PKNOX2: variants seen among roughly 807,000 people sequenced by gnomAD.
PKNOX2 encodes homeobox protein PKNOX2.
PKNOX2 carries 14 observed loss-of-function variants against 53.1 expected under a neutral mutation model. The ratio of observed to expected loss-of-function variants is 0.26; its 90% CI spans 0.17 to 0.41. PKNOX2 has a LOEUF of 0.41. Among genes scored for constraint, PKNOX2 ranks in the 10% least tolerant of loss-of-function variants. PKNOX2 has a pLI of 1.00. For missense variants in PKNOX2, 496 were observed against 602.8 expected, an observed-to-expected ratio of 0.82 and a Z score of 1.85; for synonymous variants, 257 against 242.8, an observed-to-expected ratio of 1.06 and a Z score of -0.54.
intron 2 of PKNOX2, among the ~76,000 whole-genome samples, chr11:125,317,980 C>A (rs1949303776): frequency 6.6e-6 from 1 of 152,216 alleles, no homozygotes; most frequent in South Asian, 2.1e-4. Flanking sequence ...TTAGCTAGGT[C>A]TTCTGGATAA....
chr11:125,367,463 T>C (rs1466912041), intron 4 of PKNOX2, among the ~76,000 whole-genome samples: 1 of 152,240 alleles, frequency 6.6e-6, no homozygotes, highest in Admixed American at 6.5e-5. Flanking sequence ...GTTTTCCTGC[T>C]TTTCAAAGTC....
chr11:125,311,474 G>C (rs1948801910), intron 2 of PKNOX2, among the ~76,000 whole-genome samples: 1 of 152,214 alleles, frequency 6.6e-6, no homozygotes, highest in Non-Finnish European at 1.5e-5. Context: ...ACAAGGGTTA[G>C]AATTCTGGTG....
At chr11:125,425,994 G>A (rs1185494304) in intron 10 of PKNOX2, among the ~76,000 whole-genome samples, 1 of 152,220 alleles carries the variant, frequency 6.6e-6, no homozygotes, top group East Asian at 1.9e-4. Flanking sequence ...TCATAAGAGA[G>A]CAACCAGCCA....
chr11:125,366,751 A>G (rs1952211646), intron 4 of PKNOX2, among the ~76,000 whole-genome samples: 1 of 152,280 alleles, frequency 6.6e-6, no homozygotes, highest in African/African-American at 2.4e-5. Context: ...TTTTTCTTCC[A>G]GAAAGCAGGG....
chr11:125,202,219 C>T lies in PKNOX2; in HGVS notation c.-200-32826C>T, dbSNP rs113919772. On this transcript the variant is annotated intron_variant, in intron 1 of 12. Transcript: ENST00000298282. Reference sequence around the variant, plus strand: ...CTGAATGGCATCCCCAAGACAGCCCCCCATCTCGCTGCAGACATGCTGAGG... The same window carrying T: ...CTGAATGGCATCCCCAAGACAGCCCTCCATCTCGCTGCAGACATGCTGAGG... 6.8e-3 allele frequency among the ~76,000 whole-genome samples: 1,039 copies of T among 152,318 alleles called. 9 individuals carry two copies. The highest frequency in any genetic ancestry group is 0.023 in the African/African-American group (970 of 41,568).
At chr11:125,424,400 T>A (rs1956309654) in intron 10 of PKNOX2, among the ~76,000 whole-genome samples, 1 of 152,128 alleles carries the variant, frequency 6.6e-6, no homozygotes, top group Non-Finnish European at 1.5e-5. Context: ...CATCCCACCA[T>A]CAGTGGCCTC....
intron 1 of PKNOX2, among the ~76,000 whole-genome samples, chr11:125,178,833 A>T (rs1229460509): frequency 6.6e-6 from 1 of 152,104 alleles, no homozygotes; most frequent in Admixed American, 6.5e-5. Flanking sequence ...GGGCTTAACT[A>T]CAGAAACACT....
chr11:125,373,716 A>G (rs1952680828), intron 5 of PKNOX2, among the ~76,000 whole-genome samples: 1 of 152,200 alleles, frequency 6.6e-6, no homozygotes, highest in Admixed American at 6.5e-5. Flanking sequence ...TTAATTATGA[A>G]CTGAGCTCCA....
rs1956822706 is a variant in PKNOX2, at chr11:125,190,629, G to A, written c.-201+25853G>A. Among the ~76,000 whole-genome samples the A allele has an allele frequency of 2.6e-5, 4 of 152,018 alleles. No homozygotes were observed. In the South Asian group the frequency reaches 8.3e-4, roughly 32 times the overall value. On this transcript the variant is annotated intron_variant, in intron 1 of 12. Transcript: ENST00000298282. ...ATGAAGTCTCATTTCCACTCTAATT[G>A]GTTGATACTCTGTCCCCCGACCCTG...
intron 1 of PKNOX2, among the ~76,000 whole-genome samples, chr11:125,178,746 AAG>A (rs1461120939): frequency 6.6e-6 from 1 of 150,774 alleles, no homozygotes; most frequent in Non-Finnish European, 1.5e-5. Context: ...GAAAGGAAGA[AAG>A]AGAGAGGAAG....
chr11:125,234,467 T>C (rs887285986), intron 1 of PKNOX2, among the ~76,000 whole-genome samples: 1 of 152,194 alleles, frequency 6.6e-6, no homozygotes, highest in African/African-American at 2.4e-5. Context: ...TCCTGCACCA[T>C]CATTCTTCTC....
intron 1 of PKNOX2, among the ~76,000 whole-genome samples, chr11:125,185,336 T>G (rs1956389551): frequency 6.6e-6 from 1 of 152,220 alleles, no homozygotes. Context: ...ACACTCTATA[T>G]TTTCTATTGT....
At chr11:125,281,952 T>C (rs1220089938) in intron 2 of PKNOX2, among the ~76,000 whole-genome samples, 1 of 152,302 alleles carries the variant, frequency 6.6e-6, no homozygotes, top group South Asian at 2.1e-4. Context: ...TCGTTCCAAG[T>C]GGAGAGGGCT....
intron 1 of PKNOX2, among the ~76,000 whole-genome samples, chr11:125,220,455 C>A (rs1941016215): frequency 6.6e-6 from 1 of 152,106 alleles, no homozygotes. Context: ...GGCATGGAAT[C>A]CCCACAGCTT....
chr11:125,190,625 A>C (rs1208234355), intron 1 of PKNOX2, among the ~76,000 whole-genome samples: 2 of 151,636 alleles, frequency 1.3e-5, no homozygotes, highest in African/African-American at 4.9e-5. Flanking sequence ...TTTCCACTCT[A>C]ATTGGTTGAT....
chr11:125,420,525 CAA>C (rs35294408), intron 10 of PKNOX2, among the ~76,000 whole-genome samples: 1 of 146,042 alleles, frequency 6.8e-6, no homozygotes. Flanking sequence ...GACTCCATCT[CAA>C]AAAAAAAAAG....
rs900834970 is a variant in PKNOX2, at chr11:125,211,212, C to A, written c.-200-23833C>A. Among the ~76,000 whole-genome samples, 10 of 152,072 alleles carry A rather than the reference C, an allele frequency of 6.6e-5. 1 individual carries two copies. Among genetic ancestry groups the A allele is most frequent in the Non-Finnish European group, 1.3e-4 (9 of 67,974 alleles). ...AAAATGACAGTCAGAAGCAGAGACC[C>A]CTCACAGACTTCTCACTCCCAACTG... On this transcript the variant is annotated intron_variant, in intron 1 of 12. Transcript: ENST00000298282.
chr11:125,396,275 A>C (rs1291012329), intron 6 of PKNOX2, among the ~76,000 whole-genome samples: 2 of 151,122 alleles, frequency 1.3e-5, no homozygotes, highest in African/African-American at 2.4e-5. Context: ...TTTGGTGTCA[A>C]CTCTAAGATC....
At chr11:125,260,960 C>T (rs1161254928) in intron 2 of PKNOX2, among the ~76,000 whole-genome samples, 1 of 152,106 alleles carries the variant, frequency 6.6e-6, no homozygotes, top group East Asian at 1.9e-4. Context: ...GCTGTGTGGC[C>T]TCAGGTAAGC....
Sources: gnomAD v4.1 joint callset for allele counts (sites outside exome capture counted in the v4.1 genomes callset) on GRCh38, gnomAD v4.1.1 for gene constraint, MANE v1.5 for transcripts, NCBI Gene and HGNC (gene_info 2026-07-23, HGNC 2026-07-21) for gene names.